ERCC1: variants seen among roughly 807,000 people sequenced by gnomAD.
ERCC1 encodes ERCC excision repair 1, endonuclease non-catalytic subunit.
ERCC1 carries 36 observed loss-of-function variants against 37.6 expected under a neutral mutation model. The ratio of observed to expected loss-of-function variants is 0.96; its 90% confidence interval spans 0.73 to 1.26. The LOEUF (loss-of-function observed/expected upper bound fraction) is 1.26. Among genes scored for constraint, ERCC1 ranks in the 50% most tolerant of loss-of-function variants. The pLI, the probability that ERCC1 is intolerant of heterozygous loss-of-function variation, is 0.00. For missense variants in ERCC1, 349 were observed against 376.5 expected, an observed-to-expected ratio of 0.93 and a Z score of 0.60; for synonymous variants, 156 against 162.1, an observed-to-expected ratio of 0.96 and a Z score of 0.28.
intron 1 of ERCC1, among the ~76,000 whole-genome samples, chr19:45,450,902 C>CCT (rs1967099543): frequency 1.2e-5 from 1 of 85,988 alleles, no homozygotes; most frequent in African/African-American, 3.9e-5. Context: ...CCCCCCCCCC[C>CCT]CCCACGCCCG....
At chr19:45,438,026 G>A (rs758796402) in intron 1 of ERCC1, among the ~76,000 whole-genome samples, 10 of 151,634 alleles carry the variant, frequency 6.6e-5, no homozygotes, top group Middle Eastern at 3.4e-3. Flanking sequence ...TCCTGCCTCC[G>A]CCTCCCGAGT....
intron 9 of ERCC1, chr19:45,410,598 G>GTGTGTGTGTGTGTGT (rs1187372053): frequency 1.7e-5 from 1 of 58,654 alleles, no homozygotes; most frequent in East Asian, 1.2e-3. Context: ...TGTGTGTGTG[G>GTGTGTGTGTGTGTGT]TACCCATTAA....
chr19:45,428,083 C>CTTTTTTT (rs5828235), upstream of ERCC1, among the ~76,000 whole-genome samples: 483 of 115,938 alleles, frequency 4.2e-3, 29 homozygotes, highest in African/African-American at 0.017. Flanking sequence ...TTCTTTCTTT[C>CTTTTTTT]TTTTTTTTTT....
intron 1 of ERCC1, among the ~76,000 whole-genome samples, chr19:45,438,460 GTTTGTTTATTTA>G (rs946163149): frequency 3.5e-4 from 53 of 151,882 alleles, no homozygotes; most frequent in African/African-American, 1.3e-3. Flanking sequence ...GTGTTTGTTT[GTTTGTTTATTTA>G]TTTATTTTAA....
rs533482318 is a variant in ERCC1, at chr19:45,445,950, G to A, written c.-7-22569C>T. Among the ~76,000 whole-genome samples the A allele has an allele frequency of 1.1e-3, 168 of 152,204 alleles. No homozygotes were observed. In the Middle Eastern group the frequency reaches 0.014, roughly 12 times the overall value. ...GCTGCCCAAGCTGGAGTGCAATGGC[G>A]TGGTCTCGGCTCACTGCAACCTCCG... is the stretch of plus-strand genomic sequence containing the variant. On this transcript the variant is annotated intron_variant, in intron 1 of 8. Transcript: ENST00000423698.
chr19:45,413,817 T>A, intron 8 of ERCC1, 72 bp from the exon 9 acceptor site: 1 of 1,604,824 alleles, frequency 6.2e-7, no homozygotes. Context: ...AGGAGGGGCC[T>A]CAGATATTCC....
At position 45,408,537 on chromosome 19, in the gene ERCC1, C is replaced by G; in HGVS notation, c.*1138G>C. ...ACAGAGGCCCCAGTCACTCAGGAGG[C>G]AGTGAATGGGCACGGGGCCCTGGAG... is the stretch of plus-strand genomic sequence containing the variant. On this transcript the variant is annotated 3_prime_UTR_variant, in exon 10 of 10. Coordinates refer to ENST00000300853, the MANE Select transcript of ERCC1 (RefSeq NM_001983.4). 6.2e-7 allele frequency: 1 copy of G among 1,613,920 alleles called. No homozygotes were observed. The highest frequency in any genetic ancestry group is 8.5e-7 in the Non-Finnish European group (1 of 1,179,972).
intron 5 of ERCC1, among the ~76,000 whole-genome samples, chr19:45,418,187 A>G (rs536344074): frequency 9.2e-5 from 14 of 152,076 alleles, no homozygotes; most frequent in Non-Finnish European, 1.9e-4. Flanking sequence ...ATCTCTACTA[A>G]AAATACAAAA....
chr19:45,410,930 TCTC>T (rs1272732618), intron 9 of ERCC1, among the ~76,000 whole-genome samples: 1 of 152,144 alleles, frequency 6.6e-6, no homozygotes, highest in African/African-American at 2.4e-5. Context: ...TTCAAGCGAT[TCTC>T]CTGCCTCAGC....
At chr19:45,434,921 A>G (rs1974935885) in intron 1 of ERCC1, among the ~76,000 whole-genome samples, 1 of 151,410 alleles carries the variant, frequency 6.6e-6, no homozygotes, top group Non-Finnish European at 1.5e-5. Flanking sequence ...GATTACAGGC[A>G]TGCACCACCA....
intron 4 of ERCC1, chr19:45,419,410 C>G: frequency 1.8e-6 from 1 of 559,656 alleles, no homozygotes; most frequent in East Asian, 3.1e-5. Flanking sequence ...GCTGTGCTTA[C>G]CTAGAAGACC....
At chr19:45,435,769 CT>C (rs893843742) in intron 1 of ERCC1, among the ~76,000 whole-genome samples, 32 of 148,718 alleles carry the variant, frequency 2.2e-4, no homozygotes, top group Admixed American at 6.7e-4. Context: ...ACATTCTGTA[CT>C]TTTTTTTTTA....
At position 45,439,966 on chromosome 19, in the gene ERCC1, T is replaced by C. The variant is rs1975077352; in HGVS notation, c.-7-16585A>G. Among the ~76,000 whole-genome samples the C allele has an allele frequency of 2.0e-5, 3 of 152,002 alleles. No individual in the cohort carries two copies. The South Asian group carries it at 6.2e-4, about 31-fold the overall frequency. Reference sequence around the variant, plus strand: ...GCCGCGCTCCGAGCCGAGCCCGAAATAGCGGCCCCCAGATAAGGCAGGACG... The same window carrying C: ...GCCGCGCTCCGAGCCGAGCCCGAAACAGCGGCCCCCAGATAAGGCAGGACG... On this transcript the variant is annotated intron_variant, in intron 1 of 8. Transcript: ENST00000423698.
At chr19:45,426,939 G>T (rs796754181), upstream of ERCC1, among the ~76,000 whole-genome samples, 1 of 114,142 alleles carries the variant, frequency 8.8e-6, no homozygotes, top group African/African-American at 3.6e-5. Flanking sequence ...CAGCCTGGGC[G>T]ACAAAAGCGA....
chr19:45,431,143 C>T (rs916835210), intron 1 of ERCC1, among the ~76,000 whole-genome samples: 24 of 152,074 alleles, frequency 1.6e-4, no homozygotes, highest in African/African-American at 5.6e-4. Flanking sequence ...TTAGTAGAAA[C>T]GGGGTTTCAC....
intron 4 of ERCC1, chr19:45,419,487 G>A: frequency 2.4e-6 from 1 of 414,462 alleles, no homozygotes; most frequent in Non-Finnish European, 4.6e-6. Flanking sequence ...GGTGCCAGGG[G>A]CCCTAGAGAG....
In ERCC1 at chr19:45,418,314, A is replaced by G. The variant is rs184507730; in HGVS notation, c.525+784T>C. Among the ~76,000 whole-genome samples the G allele has an allele frequency of 1.5e-4, 23 of 152,166 alleles. 1 individual carries two copies. Among genetic ancestry groups the G allele is most frequent in the Admixed American group, 8.5e-4 (13 of 15,266 alleles). On this transcript the variant is annotated intron_variant, in intron 5 of 9. Coordinates refer to ENST00000300853, the MANE Select transcript of ERCC1 (RefSeq NM_001983.4). ...CAGTGAGCCAAGATTGCACCACTAC[A>G]CTCCAGTCTGGGCGAAAGAGCGAGA... is the stretch of plus-strand genomic sequence containing the variant.
At position 45,409,162 on chromosome 19, in the gene ERCC1, G is replaced by A. The variant is rs977410259; in HGVS notation, c.*513C>T. ...AAAAACAGCAAGATGCCACAGTGGA[G>A]CCAGAGACAGAGGTGGTGGGGCCTG... On this transcript the variant is annotated 3_prime_UTR_variant, in exon 10 of 10. Coordinates refer to ENST00000300853, the MANE Select transcript of ERCC1 (RefSeq NM_001983.4). 7 of 1,613,474 alleles carry A rather than the reference G, an allele frequency of 4.3e-6. No homozygotes were observed. The highest frequency in any genetic ancestry group is 5.1e-6 in the Non-Finnish European group (6 of 1,179,722).
intron 1 of ERCC1, among the ~76,000 whole-genome samples, chr19:45,436,924 T>G (rs1297503994): frequency 6.6e-6 from 1 of 151,946 alleles, no homozygotes. Flanking sequence ...AGACTCCATA[T>G]ATAGTGGATT....
Sources: allele counts gnomAD v4.1 joint callset (sites outside exome capture counted in the v4.1 genomes callset), GRCh38; gene constraint gnomAD v4.1.1; transcripts MANE v1.5; gene names NCBI Gene and HGNC (gene_info 2026-07-23, HGNC 2026-07-21).